EPB41L4A: variants seen among roughly 807,000 people sequenced by gnomAD.
The protein encoded by EPB41L4A is erythrocyte membrane protein band 4.1 like 4A.
A neutral mutation model predicts 108.6 loss-of-function variants in EPB41L4A; 100 were observed. That is an observed-to-expected ratio of 0.92 (90% CI 0.78 to 1.09). The LOEUF is 1.09. Among genes scored for constraint, EPB41L4A ranks in the 50% least tolerant of loss-of-function variants. EPB41L4A has a pLI of 0.00. For missense variants in EPB41L4A, 1,030 were observed against 842.7 expected (o/e 1.22, Z -2.75); for synonymous variants, 319 against 289.0 (o/e 1.10, Z -1.05).
chr5:112,219,125 T>C (rs1747861543), intron 12 of EPB41L4A, among the ~76,000 whole-genome samples: 1 of 152,244 alleles, frequency 6.6e-6, no homozygotes, highest in South Asian at 2.1e-4. Context: ...CCCTAATATG[T>C]TTTGAATTTG....
intron 1 of EPB41L4A, among the ~76,000 whole-genome samples, chr5:112,379,092 C>A (rs1760002844): frequency 6.6e-6 from 1 of 152,162 alleles, no homozygotes; most frequent in Non-Finnish European, 1.5e-5. Context: ...TCAGTGCATT[C>A]TCTCAGTGGA....
intron 12 of EPB41L4A, among the ~76,000 whole-genome samples, chr5:112,234,184 T>A (rs1031981191): frequency 3.4e-5 from 5 of 145,484 alleles, no homozygotes; most frequent in East Asian, 2.0e-4. Flanking sequence ...ATAAATAAAA[T>A]TAAAATAAAA....
At chr5:112,160,871 T>G (rs569983242), downstream of EPB41L4A, 5 of 156,330 alleles carry the variant, frequency 3.2e-5, no homozygotes, top group African/African-American at 1.2e-4. Flanking sequence ...TGTCCTTTCT[T>G]CCTTTTGGTG....
intron 1 of EPB41L4A, among the ~76,000 whole-genome samples, chr5:112,363,981 G>A (rs1580764399): frequency 6.6e-6 from 1 of 152,112 alleles, no homozygotes; most frequent in African/African-American, 2.4e-5. Flanking sequence ...TCTAGAAAAG[G>A]TAATAATGAT....
intron 21 of EPB41L4A, 81 bp downstream of exon 21, chr5:112,168,914 T>G (rs114470084): frequency 0.015 from 22,957 of 1,488,512 alleles, 230 homozygotes; most frequent in Non-Finnish European, 0.018. Flanking sequence ...ATAAAACATT[T>G]CCATCAGCAA....
At chr5:112,400,355 G>A (rs555142988) in intron 1 of EPB41L4A, among the ~76,000 whole-genome samples, 14 of 151,964 alleles carry the variant, frequency 9.2e-5, no homozygotes, top group African/African-American at 3.4e-4. Context: ...ATTTGCGTAG[G>A]GACACAGAGC....
intron 9 of EPB41L4A, among the ~76,000 whole-genome samples, chr5:112,241,225 C>A (rs571245914): frequency 7.2e-5 from 11 of 152,196 alleles, no homozygotes; most frequent in African/African-American, 2.6e-4. Context: ...ACAAGTCACA[C>A]ATAAAGCAAT....
intron 1 of EPB41L4A, among the ~76,000 whole-genome samples, chr5:112,387,623 A>G (rs1760653759): frequency 6.6e-6 from 1 of 152,202 alleles, no homozygotes; most frequent in Non-Finnish European, 1.5e-5. Flanking sequence ...AAAGATTTTC[A>G]TATCAGGCAG....
chr5:112,419,350 C>T, upstream of EPB41L4A: 1 of 328,408 alleles, frequency 3.0e-6, no homozygotes, highest in South Asian at 3.0e-5. Flanking sequence ...GGCGCGGGGC[C>T]CCTCCCGCAG....
intron 12 of EPB41L4A, among the ~76,000 whole-genome samples, chr5:112,221,360 G>A (rs1223035854): frequency 6.6e-6 from 1 of 152,192 alleles, no homozygotes; most frequent in Non-Finnish European, 1.5e-5. Flanking sequence ...AAAGCAGCTG[G>A]TTAAGTGTAC....
chr5:112,293,265 C>T (rs1482135204), intron 2 of EPB41L4A, among the ~76,000 whole-genome samples: 2 of 149,988 alleles, frequency 1.3e-5, no homozygotes, highest in Non-Finnish European at 3.0e-5. Context: ...GTTTGTTATA[C>T]AGGTAATCTC....
intron 1 of EPB41L4A, among the ~76,000 whole-genome samples, chr5:112,409,141 T>C (rs1762268242): frequency 6.6e-6 from 1 of 152,214 alleles, no homozygotes; most frequent in African/African-American, 2.4e-5. Flanking sequence ...AATGGAATAT[T>C]ATTCAGCAAT....
At chr5:112,375,061 G>A (rs1759725777) in intron 1 of EPB41L4A, among the ~76,000 whole-genome samples, 1 of 152,132 alleles carries the variant, frequency 6.6e-6, no homozygotes. Flanking sequence ...AGATCAGCAG[G>A]ATCAGAATCT....
chr5:112,149,214 T>G (rs1210825246), intron 12 of EPB41L4A, among the ~76,000 whole-genome samples: 1 of 152,206 alleles, frequency 6.6e-6, no homozygotes, highest in Non-Finnish European at 1.5e-5. Flanking sequence ...CAGTGGCTTA[T>G]GCCTGTAATC....
At chr5:112,400,819 G>A (rs1340824603) in intron 1 of EPB41L4A, among the ~76,000 whole-genome samples, 1 of 152,146 alleles carries the variant, frequency 6.6e-6, no homozygotes, top group Non-Finnish European at 1.5e-5. Flanking sequence ...GAAGGCAAAG[G>A]TATTAACATT....
At chr5:112,351,565 AAC>A (rs1205696988) in intron 1 of EPB41L4A, among the ~76,000 whole-genome samples, 6 of 152,178 alleles carry the variant, frequency 3.9e-5, no homozygotes, top group African/African-American at 1.4e-4. Flanking sequence ...CCAATTCTAA[AAC>A]TATTTCAAAA....
intron 4 of EPB41L4A, among the ~76,000 whole-genome samples, chr5:112,270,091 A>G (rs1427477873): frequency 6.6e-6 from 1 of 152,238 alleles, no homozygotes; most frequent in East Asian, 1.9e-4. Flanking sequence ...AATTAGAGGC[A>G]AGAAGAACAG....
intron 1 of EPB41L4A, among the ~76,000 whole-genome samples, chr5:112,340,767 C>T (rs1031884004): frequency 1.7e-4 from 26 of 152,252 alleles, no homozygotes; most frequent in African/African-American, 5.5e-4. Flanking sequence ...TTAAAAAGGA[C>T]GTATATTGTT....
intron 1 of EPB41L4A, among the ~76,000 whole-genome samples, chr5:112,408,664 A>G (rs1762228531): frequency 7.9e-6 from 1 of 126,038 alleles, no homozygotes; most frequent in African/African-American, 2.9e-5. Flanking sequence ...CAACATGGTG[A>G]GACTCCATCT....
Sources: gnomAD v4.1 joint callset for allele counts (sites outside exome capture counted in the v4.1 genomes callset) on GRCh38, gnomAD v4.1.1 for gene constraint, MANE v1.5 for transcripts, NCBI Gene and HGNC (gene_info 2026-07-23, HGNC 2026-07-21) for gene names.